Variants in FGGY observed in about 807,000 individuals in gnomAD.
FGGY encodes FGGY carbohydrate kinase domain-containing protein.
FGGY carries 72 observed loss-of-function variants against 71.3 expected under a neutral mutation model. That is an observed-to-expected ratio of 1.01 (90% CI 0.84 to 1.23). The LOEUF (loss-of-function observed/expected upper bound fraction) is 1.23, where lower values mean the gene tolerates loss of function less well. Ranked by LOEUF, FGGY falls within the 50% of genes most tolerant of loss-of-function variation. FGGY has a pLI of 0.00. For missense variants in FGGY, 668 were observed against 682.3 expected, an observed-to-expected ratio of 0.98 and a Z score of 0.23; for synonymous variants, 251 against 250.3, an observed-to-expected ratio of 1.00 and a Z score of -0.02.
chr1:59,440,395 T>C (rs1261649895), intron 5 of FGGY, among the ~76,000 whole-genome samples: 1 of 152,154 alleles, frequency 6.6e-6, no homozygotes, highest in Non-Finnish European at 1.5e-5. Context: ...TAGGGGCCTC[T>C]GATCTCTTTT....
At chr1:59,486,809 G>C (rs1304526396) in intron 6 of FGGY, among the ~76,000 whole-genome samples, 2 of 152,330 alleles carry the variant, frequency 1.3e-5, no homozygotes, top group Admixed American at 1.3e-4. Flanking sequence ...AGTGCATACT[G>C]TGAGCAGTGA....
At chr1:59,642,498 G>A (rs2097043257) in intron 11 of FGGY, among the ~76,000 whole-genome samples, 1 of 152,050 alleles carries the variant, frequency 6.6e-6, no homozygotes, top group Non-Finnish European at 1.5e-5. Flanking sequence ...GGTGGTGGAC[G>A]CCTGTAATCC....
chr1:59,724,021 G>A (rs562582454), intron 14 of FGGY, among the ~76,000 whole-genome samples: 1 of 152,112 alleles, frequency 6.6e-6, no homozygotes, highest in South Asian at 2.1e-4. Context: ...AAATTAGCCA[G>A]GCATGGTGGC....
intron 5 of FGGY, among the ~76,000 whole-genome samples, chr1:59,400,801 T>G (rs2061859834): frequency 6.6e-6 from 1 of 152,066 alleles, no homozygotes; most frequent in Non-Finnish European, 1.5e-5. Flanking sequence ...AGATAGGGTC[T>G]TGCTCTGTCA....
intron 10 of FGGY, among the ~76,000 whole-genome samples, chr1:59,631,881 A>G (rs1042610290): frequency 2.0e-5 from 3 of 152,212 alleles, no homozygotes; most frequent in Non-Finnish European, 4.4e-5. Context: ...TTCACTCTTT[A>G]GCAGAGATCA....
intron 5 of FGGY, among the ~76,000 whole-genome samples, chr1:59,454,838 T>C (rs1361038382): frequency 6.6e-6 from 1 of 152,260 alleles, no homozygotes; most frequent in East Asian, 1.9e-4. Context: ...ACTGGTTTCC[T>C]GGATCCTAGT....
chr1:59,531,266 T>C (rs1211206615), intron 7 of FGGY, among the ~76,000 whole-genome samples: 1 of 152,248 alleles, frequency 6.6e-6, no homozygotes, highest in Non-Finnish European at 1.5e-5. Context: ...TCATGCTTTT[T>C]CTTCTAATAT....
At chr1:59,655,430 A>G (rs1200539307) in intron 11 of FGGY, among the ~76,000 whole-genome samples, 1 of 106,216 alleles carries the variant, frequency 9.4e-6, no homozygotes, top group South Asian at 3.0e-4. Flanking sequence ...CCTCCCCTCC[A>G]CCCCACCCCA....
intron 2 of FGGY, among the ~76,000 whole-genome samples, chr1:59,337,020 C>CAT (rs923822990): frequency 1.3e-4 from 18 of 142,290 alleles, no homozygotes; most frequent in Admixed American, 2.9e-4. Flanking sequence ...TGTATATATT[C>CAT]ATATATATAT....
At chr1:59,746,500 T>C (rs534780109) in intron 14 of FGGY, among the ~76,000 whole-genome samples, 1 of 152,238 alleles carries the variant, frequency 6.6e-6, no homozygotes, top group East Asian at 1.9e-4. Flanking sequence ...AAACTTCCCT[T>C]TTTTTGAGAC....
In FGGY at chr1:59,674,378, C is replaced by T. The variant is rs534403716; in HGVS notation, c.1512+245C>T. On this transcript the variant is annotated intron_variant, in intron 14 of 15. Transcript: ENST00000303721. ...TTTTTTTTCTTTCTTCTTTAAAATA[C>T]CTTTTAAATTATTCCTTTTAAATTT... 9.9e-5 allele frequency among the ~76,000 whole-genome samples: 15 copies of T among 151,998 alleles called. No individual in the cohort carries two copies. The East Asian group carries it at 2.9e-3, about 30-fold the overall frequency.
chr1:59,558,362 G>A (rs974479981), intron 8 of FGGY, among the ~76,000 whole-genome samples: 4 of 152,042 alleles, frequency 2.6e-5, no homozygotes, highest in South Asian at 2.1e-4. Context: ...AGTGTCAGCC[G>A]GCTGAGAAAT....
At chr1:59,590,361 A>G (rs1032144034) in intron 8 of FGGY, among the ~76,000 whole-genome samples, 6 of 152,238 alleles carry the variant, frequency 3.9e-5, no homozygotes, top group Non-Finnish European at 7.3e-5. Context: ...CCAGAGGTAC[A>G]AGGAGGAAGT....
At chr1:59,384,150 AT>A (rs1557751901) in intron 5 of FGGY, among the ~76,000 whole-genome samples, 2 of 152,136 alleles carry the variant, frequency 1.3e-5, no homozygotes, top group Admixed American at 1.3e-4. Flanking sequence ...CTGTCTAATC[AT>A]CCCTGCCATT....
chr1:59,726,291 G>A (rs1489642517), intron 14 of FGGY, among the ~76,000 whole-genome samples: 1 of 151,958 alleles, frequency 6.6e-6, no homozygotes, highest in Non-Finnish European at 1.5e-5. Flanking sequence ...TTTGGTTGTG[G>A]TATATAATTC....
intron 6 of FGGY, among the ~76,000 whole-genome samples, chr1:59,504,595 A>T (rs1226534477): frequency 6.6e-6 from 1 of 152,228 alleles, no homozygotes; most frequent in South Asian, 2.1e-4. Flanking sequence ...TTCTATGTGG[A>T]TGATTGCTGT....
intron 14 of FGGY, among the ~76,000 whole-genome samples, chr1:59,700,189 C>G: frequency 6.6e-6 from 1 of 152,170 alleles, no homozygotes; most frequent in East Asian, 1.9e-4. Context: ...ACTTTGTACA[C>G]TGTAGGAATT....
intron 14 of FGGY, among the ~76,000 whole-genome samples, chr1:59,693,900 G>C (rs138372769): frequency 6.6e-6 from 1 of 152,086 alleles, no homozygotes; most frequent in South Asian, 2.1e-4. Context: ...TCAGCTACTC[G>C]GGAGGCTGAG....
intron 4 of FGGY, among the ~76,000 whole-genome samples, chr1:59,366,007 T>C (rs1339099920): frequency 1.3e-5 from 2 of 152,214 alleles, no homozygotes; most frequent in African/African-American, 4.8e-5. Context: ...TTAGACCCCA[T>C]CTACTTCAGC....
Sources: allele counts gnomAD v4.1 joint callset (sites outside exome capture counted in the v4.1 genomes callset), GRCh38; gene constraint gnomAD v4.1.1; transcripts MANE v1.5; gene names NCBI Gene and HGNC (gene_info 2026-07-23, HGNC 2026-07-21).